Variants in FRMPD1 observed in about 807,000 individuals in gnomAD.
FRMPD1 encodes FERM and PDZ domain-containing protein 1.
Under a neutral mutation model 117.8 loss-of-function variants are expected in FRMPD1, and 76 were observed. The ratio of observed to expected loss-of-function variants is 0.65; its 90% confidence interval spans 0.54 to 0.78. The LOEUF (loss-of-function observed/expected upper bound fraction) is 0.78, where lower values mean the gene tolerates loss of function less well. FRMPD1 is among the 30% of genes least tolerant of loss of function. FRMPD1 has a pLI of 0.00. For synonymous variants in FRMPD1, 783 were observed against 770.4 expected (o/e 1.02, Z -0.27); for missense variants, 1,786 against 1,964.5 (o/e 0.91, Z 1.72).
Position 37,739,965 on chromosome 9 carries a change from C to G in FRMPD1, c.1550-113C>G. ...TATAGGACGGTCTTAGGCCAGCCAC[C>G]CTCTGGCCCTCAGTTTTCTCGTCTG... is the stretch of plus-strand genomic sequence containing the variant. On this transcript the variant is annotated intron_variant, in intron 14 of 15. Coordinates refer to ENST00000377765, the MANE Select transcript of FRMPD1 (RefSeq NM_014907.3). The G allele has an allele frequency of 6.4e-6, 5 of 783,304 alleles. 1 individual carries two copies. The highest frequency in any genetic ancestry group is 1.1e-5 in the Non-Finnish European group (5 of 475,950). 48.5% of individuals were successfully genotyped at this position (783,304 alleles called of 1,614,324 possible).
chr9:37,640,892 T>C, the FRMPD1 span, among the ~76,000 whole-genome samples: 2 of 152,150 alleles, frequency 1.3e-5, no homozygotes, highest in East Asian at 3.9e-4. Context: ...ATTTATTTAT[T>C]TATTTAGAGA....
At chr9:37,690,044 T>C (rs1187509318) in intron 1 of FRMPD1, among the ~76,000 whole-genome samples, 1 of 152,150 alleles carries the variant, frequency 6.6e-6, no homozygotes, top group Non-Finnish European at 1.5e-5. Flanking sequence ...TTTGAAAATT[T>C]AAGTTCTTCA....
intron 1 of FRMPD1, among the ~76,000 whole-genome samples, chr9:37,667,125 G>A (rs946556688): frequency 2.0e-5 from 3 of 146,550 alleles, no homozygotes; most frequent in African/African-American, 5.2e-5. Flanking sequence ...GTGCAGTGGC[G>A]TGACCTTGGC....
chr9:37,619,202 AT>A, the FRMPD1 span, among the ~76,000 whole-genome samples: 1 of 151,886 alleles, frequency 6.6e-6, no homozygotes, highest in African/African-American at 2.4e-5. Context: ...GAACGTTTCC[AT>A]TTTTTTTCCA....
At chr9:37,638,396 G>C in the FRMPD1 span, among the ~76,000 whole-genome samples, 3 of 152,090 alleles carry the variant, frequency 2.0e-5, no homozygotes, top group South Asian at 2.1e-4. Flanking sequence ...TTAATGAAAG[G>C]ACTTGCGTTA....
At chr9:37,675,835 G>A (rs2117877558) in intron 1 of FRMPD1, among the ~76,000 whole-genome samples, 1 of 152,344 alleles carries the variant, frequency 6.6e-6, no homozygotes, top group Non-Finnish European at 1.5e-5. Flanking sequence ...AGGGCGCAGT[G>A]CCAGGGCAAA....
intron 1 of FRMPD1, among the ~76,000 whole-genome samples, chr9:37,682,036 G>A (rs1208689189): frequency 1.3e-5 from 2 of 152,218 alleles, no homozygotes; most frequent in African/African-American, 2.4e-5. Flanking sequence ...TGAGCTAAGT[G>A]TTGACAGTTA....
chr9:37,726,945 A>G (rs933345657), intron 7 of FRMPD1, among the ~76,000 whole-genome samples: 3 of 152,134 alleles, frequency 2.0e-5, no homozygotes, highest in African/African-American at 7.2e-5. Flanking sequence ...GGTAGCATGT[A>G]TGGTGGACTT....
the FRMPD1 span, among the ~76,000 whole-genome samples, chr9:37,616,535 T>C: frequency 6.6e-6 from 1 of 152,202 alleles, no homozygotes; most frequent in Non-Finnish European, 1.5e-5. Context: ...CCCAGGGCAC[T>C]TTCTGTTGCA....
rs755013767 is a variant in FRMPD1 at position 37,732,437 on chromosome 9, T to A, written c.992T>A (p.Ile331Lys). The change falls in exon 10 of 16, where the codon ATA (isoleucine) becomes AAA (lysine). Residue 331 changes from isoleucine (I) to lysine (K), a missense_variant. Ile to Lys is a moderately radical substitution (Grantham distance 102). Coordinates refer to ENST00000377765, the MANE Select transcript of FRMPD1 (RefSeq NM_014907.3). Reference protein sequence around the residue: ...AQPQKISLKYIEKDWGIENFI... With the variant: ...AQPQKISLKYKEKDWGIENFI... ...CCACAGAAGATCTCTTTAAAGTATA[T>A]AGAGTGAGTGGCAGGGGATGGCAGC... 6.2e-7 allele frequency: 1 copy of A among 1,600,138 alleles called. No homozygotes were observed. Among genetic ancestry groups the A allele is most frequent in the Non-Finnish European group, 8.5e-7 (1 of 1,172,348 alleles).
At chr9:37,672,250 A>G (rs977586975) in intron 1 of FRMPD1, among the ~76,000 whole-genome samples, 1 of 152,166 alleles carries the variant, frequency 6.6e-6, no homozygotes, top group Non-Finnish European at 1.5e-5. Flanking sequence ...TGGAGAAGCC[A>G]GCAGCAGGAA....
chr9:37,680,207 T>C (rs1821676460), intron 1 of FRMPD1, among the ~76,000 whole-genome samples: 1 of 152,150 alleles, frequency 6.6e-6, no homozygotes, highest in Non-Finnish European at 1.5e-5. Context: ...GATAAGAGGC[T>C]AAGCCCTTTC....
At chr9:37,718,903 C>A (rs1014570283) in intron 5 of FRMPD1, among the ~76,000 whole-genome samples, 166 bp from the exon 6 acceptor site, 17 of 152,234 alleles carry the variant, frequency 1.1e-4, no homozygotes, top group African/African-American at 4.1e-4. Context: ...GCTTGGGATC[C>A]CTAGATTTTA....
chr9:37,622,917 GA>G, the FRMPD1 span, among the ~76,000 whole-genome samples: 18 of 137,910 alleles, frequency 1.3e-4, no homozygotes, highest in East Asian at 1.5e-3. Flanking sequence ...AGTTAGAAAA[GA>G]AAAAAAAAAA....
At chr9:37,717,377 A>AT (rs1309621855) in intron 5 of FRMPD1, among the ~76,000 whole-genome samples, 1 of 93,226 alleles carries the variant, frequency 1.1e-5, no homozygotes, top group African/African-American at 4.1e-5. Flanking sequence ...GTGTATATAT[A>AT]TATATTTTTT....
upstream of FRMPD1, among the ~76,000 whole-genome samples, chr9:37,645,960 G>C (rs553485989): frequency 6.6e-6 from 1 of 152,328 alleles, no homozygotes; most frequent in African/African-American, 2.4e-5. Flanking sequence ...TTATAGAGGA[G>C]TAAAGTGTAG....
rs1288160243 is a variant in FRMPD1 at position 37,746,078 on chromosome 9, C to G, written c.4046C>G (p.Pro1349Arg). 4 of 1,614,122 alleles carry G rather than the reference C, an allele frequency of 2.5e-6. No individual in the cohort carries two copies. Residue 1349 changes from proline (P) to arginine (R), a missense_variant, in exon 16 of 16, where the codon CCT becomes CGT. Coordinates refer to ENST00000377765, the MANE Select transcript of FRMPD1 (RefSeq NM_014907.3). ...GCCACATGCTTCCGTGGCCCGCAGC[C>G]TGAGACAGAGGAAGAAGACAGGGAC... ...SYATCFRGPQ[P>R]ETEEEDRDLE...
intron 5 of FRMPD1, among the ~76,000 whole-genome samples, chr9:37,712,438 C>T (rs949807468): frequency 6.6e-5 from 10 of 152,292 alleles, no homozygotes; most frequent in Non-Finnish European, 1.0e-4. Context: ...TCACTGCAAC[C>T]GCCACCTCCT....
At chr9:37,730,042 T>C (rs1823801082) in intron 8 of FRMPD1, among the ~76,000 whole-genome samples, 189 bp downstream of exon 8, 1 of 152,208 alleles carries the variant, frequency 6.6e-6, no homozygotes, top group African/African-American at 2.4e-5. Context: ...CATCTGCTAG[T>C]ATGAGGTAGG....
Sources: allele counts gnomAD v4.1 joint callset (sites outside exome capture counted in the v4.1 genomes callset), GRCh38; gene constraint gnomAD v4.1.1; transcripts MANE v1.5; gene names NCBI Gene and HGNC (gene_info 2026-07-23, HGNC 2026-07-21).